The following PDE4D variants were observed in gnomAD, a reference collection of about 807,000 sequenced individuals.
PDE4D encodes phosphodiesterase 4D.
A neutral mutation model predicts 87.4 loss-of-function variants in PDE4D; 24 were observed. The ratio of observed to expected loss-of-function variants is 0.27; its 90% CI spans 0.20 to 0.39. PDE4D has a LOEUF of 0.39. PDE4D is among the 10% of genes least tolerant of loss of function. PDE4D has a pLI of 1.00. For synonymous variants in PDE4D, 384 were observed against 383.2 expected (o/e 1.00, Z -0.02); for missense variants, 714 against 1,041.0 (o/e 0.69, Z 4.32).
chr5:59,786,620 TG>T (rs1446296009), intron 1 of PDE4D, among the ~76,000 whole-genome samples: 1 of 152,178 alleles, frequency 6.6e-6, no homozygotes. Flanking sequence ...GATAGTACTT[TG>T]GGCACAAAAA....
At chr5:60,049,523 G>A (rs1349011215) in intron 2 of PDE4D, among the ~76,000 whole-genome samples, 2 of 152,154 alleles carry the variant, frequency 1.3e-5, no homozygotes, top group African/African-American at 4.8e-5. Context: ...TTTGATGATG[G>A]TGATGTACAG....
intron 1 of PDE4D, among the ~76,000 whole-genome samples, chr5:60,269,095 G>C (rs1486177178): frequency 1.3e-5 from 2 of 152,150 alleles, no homozygotes; most frequent in Non-Finnish European, 2.9e-5. Flanking sequence ...CCTGAAGTCA[G>C]GAGTTCAAGA....
rs368275844 is a variant in PDE4D, at chr5:60,267,103, A to G, written c.-89-81416T>C. On this transcript the variant is annotated intron_variant, in intron 1 of 16. Transcript: ENST00000502484. ...CTATGCAAAAAGTTATCGCCAATAC[A>G]TATAGAATAAGGACGTAAAACTGTC... 2.3e-3 allele frequency among the ~76,000 whole-genome samples: 345 copies of G among 152,340 alleles called. 2 individuals carry two copies. The highest frequency in any genetic ancestry group is 7.7e-3 in the African/African-American group (322 of 41,582).
At chr5:59,755,169 A>C (rs1191801934) in intron 1 of PDE4D, among the ~76,000 whole-genome samples, 1 of 152,178 alleles carries the variant, frequency 6.6e-6, no homozygotes, top group Non-Finnish European at 1.5e-5. Flanking sequence ...CCTTAAGAAG[A>C]AAGACTTAAT....
intron 1 of PDE4D, among the ~76,000 whole-genome samples, chr5:60,455,361 T>C (rs377535986): frequency 3.9e-4 from 60 of 152,166 alleles, no homozygotes; most frequent in African/African-American, 1.4e-3. Flanking sequence ...GCACAGGATA[T>C]AGTAGGCAAT....
intron 3 of PDE4D, among the ~76,000 whole-genome samples, chr5:59,947,490 G>C (rs1488462304): frequency 6.6e-6 from 1 of 152,158 alleles, no homozygotes; most frequent in Non-Finnish European, 1.5e-5. Context: ...ACCAGTCCAA[G>C]TAGTCCAGTT....
At chr5:60,291,678 T>C (rs967790260) in intron 1 of PDE4D, among the ~76,000 whole-genome samples, 1 of 151,224 alleles carries the variant, frequency 6.6e-6, no homozygotes, top group Non-Finnish European at 1.5e-5. Flanking sequence ...ATTCTATTTA[T>C]AAAAAACAAA....
intron 1 of PDE4D, among the ~76,000 whole-genome samples, chr5:59,468,036 C>T (rs1304862690): frequency 2.0e-5 from 3 of 152,078 alleles, no homozygotes; most frequent in Admixed American, 2.0e-4. Flanking sequence ...ACATCTGTTT[C>T]CATTGAGGAT....
At chr5:59,460,603 G>T (rs1313196680) in intron 1 of PDE4D, among the ~76,000 whole-genome samples, 1 of 152,150 alleles carries the variant, frequency 6.6e-6, no homozygotes, top group Non-Finnish European at 1.5e-5. Flanking sequence ...GTGTCCCCCA[G>T]CCCATCTGGA....
At chr5:59,577,247 C>T (rs1328344976) in intron 1 of PDE4D, among the ~76,000 whole-genome samples, 3 of 152,042 alleles carry the variant, frequency 2.0e-5, no homozygotes, top group African/African-American at 4.8e-5. Context: ...ACGGGCATAA[C>T]GCTGCTGTCT....
chr5:60,421,832 T>C (rs1336389846), intron 1 of PDE4D, among the ~76,000 whole-genome samples: 2 of 152,096 alleles, frequency 1.3e-5, no homozygotes, highest in Non-Finnish European at 1.5e-5. Flanking sequence ...GAATAAACAG[T>C]GTAGAGAAGA....
chr5:59,599,825 T>C (rs1435649265), intron 1 of PDE4D, among the ~76,000 whole-genome samples: 1 of 152,150 alleles, frequency 6.6e-6, no homozygotes, highest in Non-Finnish European at 1.5e-5. Context: ...CCGTTGGTAT[T>C]GACTCCTCTG....
intron 5 of PDE4D, among the ~76,000 whole-genome samples, chr5:59,069,732 A>G (rs1764455973): frequency 1.3e-5 from 2 of 150,802 alleles, no homozygotes; most frequent in African/African-American, 2.4e-5. Context: ...GGTTGCAACA[A>G]ATAACTTTTC....
In PDE4D at chr5:60,439,928, C is replaced by CA. The variant is rs1204966264; in HGVS notation, c.-90+48013dup. On this transcript the variant is annotated intron_variant, in intron 1 of 16. Coordinates refer to the PDE4D transcript ENST00000502484. ...GCTTTCCATTGTTTAAAAAAAAAAA[C>CA]AAAAAAAAAAAACCCTAAACTGCAT... Among the ~76,000 whole-genome samples the CA allele has an allele frequency of 2.1e-3, 256 of 119,518 alleles. 1 individual carries two copies. Among genetic ancestry groups the CA allele is most frequent in the Admixed American group, 4.8e-3 (61 of 12,738 alleles). 78.4% of individuals were successfully genotyped at this position (119,518 alleles called of 152,430 possible). A position where few individuals can be genotyped will look rare whatever the true frequency, so the allele number is the denominator to read the frequency against.
chr5:60,020,206 T>C (rs572310202), intron 2 of PDE4D, among the ~76,000 whole-genome samples: 2 of 152,286 alleles, frequency 1.3e-5, no homozygotes, highest in East Asian at 3.9e-4. Context: ...CACAATCTTA[T>C]ATAGGCATGG....
intron 3 of PDE4D, among the ~76,000 whole-genome samples, chr5:59,938,122 T>C (rs1756802534): frequency 6.6e-6 from 1 of 152,220 alleles, no homozygotes; most frequent in African/African-American, 2.4e-5. Flanking sequence ...ATAGGCTAAA[T>C]TGTATTGACT....
At chr5:59,735,438 G>C (rs1214792479) in intron 1 of PDE4D, among the ~76,000 whole-genome samples, 1 of 152,036 alleles carries the variant, frequency 6.6e-6, no homozygotes, top group East Asian at 1.9e-4. Flanking sequence ...ACACTTGAGG[G>C]GGATCCTTCT....
intron 2 of PDE4D, among the ~76,000 whole-genome samples, chr5:59,203,162 C>T (rs562704387): frequency 3.9e-5 from 6 of 152,074 alleles, no homozygotes; most frequent in Admixed American, 1.3e-4. Context: ...TGGGCAACAT[C>T]GTGAGACACC....
chr5:59,043,412 A>G (rs2153397848), intron 5 of PDE4D, among the ~76,000 whole-genome samples: 1 of 152,162 alleles, frequency 6.6e-6, no homozygotes, highest in South Asian at 2.1e-4. Context: ...AGTCCCAGCT[A>G]CTCGGGAGGC....
Sources: allele counts gnomAD v4.1 joint callset (sites outside exome capture counted in the v4.1 genomes callset), GRCh38; gene constraint gnomAD v4.1.1; transcripts MANE v1.5; gene names NCBI Gene and HGNC (gene_info 2026-07-23, HGNC 2026-07-21).